The following USP36 variants were observed in gnomAD, a reference collection of about 807,000 sequenced individuals.
The protein encoded by USP36 is ubiquitin carboxyl-terminal hydrolase 36.
In USP36, 59 loss-of-function variants were observed where a neutral mutation model predicts 111.5. The observed-to-expected ratio is 0.53, with a 90% confidence interval of 0.43 to 0.66. The LOEUF (loss-of-function observed/expected upper bound fraction) is 0.66, where lower values mean the gene tolerates loss of function less well. Ranked by LOEUF, USP36 falls within the 30% of genes least tolerant of loss-of-function variation. The pLI is 0.00. For missense variants in USP36, 1,488 were observed against 1,468.0 expected (o/e 1.01, Z -0.22); for synonymous variants, 628 against 581.0 (o/e 1.08, Z -1.16).
chr17:78,789,197 CA>C (rs869247026), intron 3 of USP36, among the ~76,000 whole-genome samples: 984 of 65,882 alleles, frequency 0.015, 22 homozygotes, highest in East Asian at 0.14. Flanking sequence ...AACTTGGTCC[CA>C]AAAAAAAAAA....
chr17:78,820,322 A>G (rs1038664513), intron 8 of USP36, among the ~76,000 whole-genome samples: 2 of 152,164 alleles, frequency 1.3e-5, no homozygotes, highest in African/African-American at 4.8e-5. Flanking sequence ...AAAGAAATTT[A>G]AAAAATTAGC....
chr17:78,833,327 G>A (rs1042341511), intron 4 of USP36, among the ~76,000 whole-genome samples: 1 of 151,862 alleles, frequency 6.6e-6, no homozygotes, highest in African/African-American at 2.4e-5. Flanking sequence ...TGTTGCCCAG[G>A]CTAAAGTGCA....
chr17:78,818,541 C>T, intron 10 of USP36, 126 bp downstream of exon 10: 1 of 800,586 alleles, frequency 1.2e-6, no homozygotes, highest in Non-Finnish European at 2.1e-6. Context: ...TGTGTAGAAC[C>T]TTTAGAACAG....
At position 78,806,256 on chromosome 17, in the gene USP36, C is replaced by T. The variant is rs750200488; in HGVS notation, c.2116G>A (p.Asp706Asn). The T allele has an allele frequency of 5.6e-6, 9 of 1,613,646 alleles. No homozygotes were observed. The highest frequency in any genetic ancestry group is 7.6e-6 in the Non-Finnish European group (9 of 1,179,972). The change falls in exon 15 of 21, where the codon GAC becomes AAC. Residue 706 changes from aspartate (D) to asparagine (N), a missense_variant. Asp to Asn is a conservative substitution (Grantham distance 23). Coordinates refer to ENST00000449938, the MANE Select transcript of USP36 (RefSeq NM_001385174.1). The stretch of plus-strand genomic sequence containing the variant: ...GGTGAGGGGGGAGGTGGACGGAGGT[C>T]ATTGCCGGTCGCCCTCCACAGGGTG... The part of the protein sequence containing the change: ...ASTLWRATGN[D>N]LRPPPPSPSS...
intron 4 of USP36, among the ~76,000 whole-genome samples, chr17:78,830,029 G>A (rs1028227026): frequency 4.6e-5 from 7 of 152,200 alleles, no homozygotes; most frequent in Admixed American, 3.9e-4. Flanking sequence ...GTGAGCCATC[G>A]AGCCCAGCCC....
chr17:78,792,744 A>C (rs1288098684), downstream of USP36, among the ~76,000 whole-genome samples: 1 of 151,934 alleles, frequency 6.6e-6, no homozygotes, highest in African/African-American at 2.4e-5. Context: ...TTTGAGACAG[A>C]GTCTCACTCT....
intron 13 of USP36, among the ~76,000 whole-genome samples, chr17:78,808,836 G>T (rs528779038): frequency 6.6e-5 from 10 of 152,018 alleles, no homozygotes; most frequent in Admixed American, 6.6e-4. Context: ...GCAACTCAAG[G>T]GTCTGGTATA....
chr17:78,793,203 ATGT>A (rs2093597933), downstream of USP36, among the ~76,000 whole-genome samples: 6 of 152,218 alleles, frequency 3.9e-5, 1 homozygote, highest in South Asian at 1.2e-3. Flanking sequence ...TGGTTTCCCC[ATGT>A]TGTTTAATTT....
chr17:78,806,279 G>T lies in USP36; in HGVS notation c.2093C>A (p.Thr698Asn), dbSNP rs370981846. 60 of 1,613,772 alleles carry T rather than the reference G, an allele frequency of 3.7e-5. No homozygotes were observed. The African/African-American group carries it at 6.9e-4, about 19-fold the overall frequency. The change falls in exon 15 of 21, where the codon ACC becomes AAC. Residue 698 changes from threonine (T) to asparagine (N), a missense_variant. By Grantham distance (65) the Thr-to-Asn change is moderately conservative (BLOSUM62 0). Transcript: ENST00000449938. ...GTCATTGCCGGTCGCCCTCCACAGG[G>T]TGCTGGCCTGCAGTTATCGACATAA... Reference protein sequence around the residue: ...KLALSAKKASTLWRATGNDLR... With the variant: ...KLALSAKKASNLWRATGNDLR...
intron 7 of USP36, 94 bp downstream of exon 7, chr17:78,821,843 A>T: frequency 6.9e-7 from 1 of 1,455,630 alleles, no homozygotes; most frequent in Non-Finnish European, 9.6e-7. Context: ...TGCACAGCGA[A>T]GAAAGAGCCC....
chr17:78,834,157 G>C (rs28489871), intron 4 of USP36, among the ~76,000 whole-genome samples: 8,536 of 151,440 alleles, frequency 0.056, 762 homozygotes, highest in African/African-American at 0.19. Context: ...TGAGACAGGA[G>C]AATTGCTTGC....
chr17:78,804,655 C>T (rs1183690342), intron 15 of USP36, among the ~76,000 whole-genome samples: 1 of 73,482 alleles, frequency 1.4e-5, no homozygotes, highest in Admixed American at 1.3e-4. Context: ...AAAAAAAAAG[C>T]AAGCCAACAC....
intron 6 of USP36, among the ~76,000 whole-genome samples, chr17:78,822,879 G>A (rs1567955395): frequency 6.6e-6 from 1 of 152,138 alleles, no homozygotes; most frequent in Non-Finnish European, 1.5e-5. Context: ...AGGAGGCTGC[G>A]CAGTGCGCCG....
At chr17:78,839,828 C>T (rs2069078850) in intron 1 of USP36, among the ~76,000 whole-genome samples, 2 of 152,242 alleles carry the variant, frequency 1.3e-5, no homozygotes, top group African/African-American at 4.8e-5. Context: ...ACCATCCACA[C>T]TCTACCCAAC....
rs772805476 is a variant in USP36, at chr17:78,812,903, T to C, written c.1364A>G (p.Lys455Arg). ...GGAAATAATCCCATTGCCGATGTTC[T>C]TCTTGGAGTGATCTGGAATCACACT... ...RPSVIPDHSK[K>R]NIGNGIISSP... is the part of the protein sequence containing the mutation. The change falls in exon 13 of 21, where the codon AAG becomes AGG. Residue 455 changes from lysine to arginine, a missense_variant. Physicochemically the swap from Lys to Arg is conservative, Grantham distance 26. Transcript: ENST00000449938. 4 of 1,613,818 alleles carry C rather than the reference T, an allele frequency of 2.5e-6. No homozygotes were observed. The highest frequency in any genetic ancestry group is 3.4e-6 in the Non-Finnish European group (4 of 1,179,966).
chr17:78,817,799 G>A (rs2094222727), intron 10 of USP36, among the ~76,000 whole-genome samples: 1 of 151,686 alleles, frequency 6.6e-6, no homozygotes, highest in East Asian at 1.9e-4. Flanking sequence ...TGCCACTATA[G>A]GCCAGGTATG....
At chr17:78,789,952 G>A (rs1021071790) in intron 3 of USP36, among the ~76,000 whole-genome samples, 3 of 152,348 alleles carry the variant, frequency 2.0e-5, no homozygotes, top group Non-Finnish European at 2.9e-5. Flanking sequence ...AGCAGGGTCC[G>A]AATGCAGTCA....
downstream of USP36, among the ~76,000 whole-genome samples, chr17:78,791,237 C>T (rs369166543): frequency 5.3e-5 from 8 of 150,864 alleles, no homozygotes; most frequent in African/African-American, 2.0e-4. Flanking sequence ...CGGGTTCAAG[C>T]GATTCTCCTG....
intron 3 of USP36, among the ~76,000 whole-genome samples, chr17:78,788,451 C>A (rs190674239): frequency 8.1e-4 from 123 of 152,304 alleles, no homozygotes; most frequent in African/African-American, 2.9e-3. Context: ...GCGTGAGCCA[C>A]CGCACCCGGC....
Sources: gnomAD v4.1 joint callset for allele counts (sites outside exome capture counted in the v4.1 genomes callset) on GRCh38, gnomAD v4.1.1 for gene constraint, MANE v1.5 for transcripts, NCBI Gene and HGNC (gene_info 2026-07-23, HGNC 2026-07-21) for gene names.